The following DPYD variants were observed in gnomAD, a reference collection of about 807,000 sequenced individuals.
The protein encoded by DPYD is dihydropyrimidine dehydrogenase [NADP(+)].
A neutral mutation model predicts 116.2 loss-of-function variants in DPYD; 109 were observed. That is an observed-to-expected ratio of 0.94 (90% CI 0.80 to 1.10). DPYD has a LOEUF of 1.10. Among genes scored for constraint, DPYD ranks in the 50% least tolerant of loss-of-function variants. The pLI is 0.00. For missense variants in DPYD, 1,302 were observed against 1,254.5 expected, an observed-to-expected ratio of 1.04 and a Z score of -0.57; for synonymous variants, 440 against 432.0, an observed-to-expected ratio of 1.02 and a Z score of -0.23.
intron 13 of DPYD, among the ~76,000 whole-genome samples, chr1:97,492,473 C>T (rs537680502): frequency 2.0e-5 from 3 of 152,234 alleles, no homozygotes; most frequent in Non-Finnish European, 2.9e-5. Flanking sequence ...CATTAAAATC[C>T]ATTCTTATAG....
At chr1:97,637,772 A>G (rs1657656460) in intron 8 of DPYD, among the ~76,000 whole-genome samples, 1 of 152,176 alleles carries the variant, frequency 6.6e-6, no homozygotes, top group African/African-American at 2.4e-5. Flanking sequence ...TTATTACTTT[A>G]CTATACATCT....
intron 21 of DPYD, among the ~76,000 whole-genome samples, chr1:97,095,180 G>A (rs1260435649): frequency 2.6e-5 from 4 of 151,850 alleles, no homozygotes; most frequent in Admixed American, 6.6e-5. Context: ...AATTACTTAC[G>A]GCATAAAACT....
intron 12 of DPYD, among the ~76,000 whole-genome samples, chr1:97,521,872 C>T (rs1648695170): frequency 6.6e-6 from 1 of 152,118 alleles, no homozygotes; most frequent in Non-Finnish European, 1.5e-5. Flanking sequence ...AAAACTGAAA[C>T]TGGACCCCTT....
intron 20 of DPYD, among the ~76,000 whole-genome samples, chr1:97,190,196 C>T (rs1658258397): frequency 6.6e-6 from 1 of 152,154 alleles, no homozygotes; most frequent in Non-Finnish European, 1.5e-5. Flanking sequence ...TGTGATGCTT[C>T]TCTGGCATTC....
chr1:97,552,305 T>C (rs1444435876), intron 11 of DPYD, among the ~76,000 whole-genome samples: 5 of 152,146 alleles, frequency 3.3e-5, no homozygotes, highest in East Asian at 1.9e-4. Flanking sequence ...ACAAATTAAA[T>C]TGAAGTTCTT....
chr1:97,101,914 C>T (rs1650717008), intron 20 of DPYD, among the ~76,000 whole-genome samples: 2 of 151,938 alleles, frequency 1.3e-5, no homozygotes, highest in Non-Finnish European at 2.9e-5. Flanking sequence ...AATTTGTTCT[C>T]ACCAGAAAGG....
intron 3 of DPYD, among the ~76,000 whole-genome samples, chr1:97,771,338 T>C (rs941217259): frequency 6.6e-6 from 1 of 152,208 alleles, no homozygotes; most frequent in Non-Finnish European, 1.5e-5. Flanking sequence ...TGTTAGCGGC[T>C]GCATCAACTT....
chr1:97,613,925 T>C (rs562860545), intron 8 of DPYD, among the ~76,000 whole-genome samples: 1 of 152,148 alleles, frequency 6.6e-6, no homozygotes, highest in Non-Finnish European at 1.5e-5. Flanking sequence ...TACTAGCTCA[T>C]CCTTTTATCT....
At chr1:97,138,358 C>T (rs897487498) in intron 20 of DPYD, among the ~76,000 whole-genome samples, 1 of 152,154 alleles carries the variant, frequency 6.6e-6, no homozygotes, top group Non-Finnish European at 1.5e-5. Flanking sequence ...TGTTGTTCAA[C>T]AAGCATTCTG....
chr1:97,824,267 C>T (rs979420072), intron 3 of DPYD, among the ~76,000 whole-genome samples: 1 of 152,020 alleles, frequency 6.6e-6, no homozygotes. Flanking sequence ...TATGGATCTA[C>T]CTTTTACTAT....
chr1:97,411,311 G>A (rs1673979815), intron 14 of DPYD, among the ~76,000 whole-genome samples: 1 of 152,130 alleles, frequency 6.6e-6, no homozygotes, highest in Non-Finnish European at 1.5e-5. Context: ...ATGATCCTGT[G>A]TACTATTCCT....
intron 13 of DPYD, among the ~76,000 whole-genome samples, chr1:97,464,018 C>A (rs1167856229): frequency 2.0e-5 from 3 of 152,028 alleles, no homozygotes; most frequent in Admixed American, 6.6e-5. Flanking sequence ...GTGGGCAGAT[C>A]ACTTGAGGTC....
At chr1:97,621,100 T>G (rs1176820780) in intron 8 of DPYD, among the ~76,000 whole-genome samples, 2 of 152,140 alleles carry the variant, frequency 1.3e-5, no homozygotes, top group African/African-American at 4.8e-5. Context: ...ATTGAGTATA[T>G]TAACTATTTT....
In DPYD at chr1:97,591,146, C is replaced by T. The variant is rs532580317; in HGVS notation, c.1128+2072G>A. ...CTGGATGCCTACTTTCCCTCAACTT[C>T]CTCATCTCTTTGTTCAAAAATCATC... On this transcript the variant is annotated intron_variant, in intron 10 of 22. Coordinates refer to ENST00000370192, the MANE Select transcript of DPYD (RefSeq NM_000110.4). 1.5e-3 allele frequency among the ~76,000 whole-genome samples: 222 copies of T among 152,118 alleles called. 1 individual carries two copies. Among genetic ancestry groups the T allele is most frequent in the South Asian group, 4.4e-3 (21 of 4,792 alleles).
intron 16 of DPYD, among the ~76,000 whole-genome samples, chr1:97,354,506 T>G (rs1237389406): frequency 6.6e-6 from 1 of 152,192 alleles, no homozygotes; most frequent in African/African-American, 2.4e-5. Flanking sequence ...GTTAATAATA[T>G]GCATATATAA....
At chr1:97,641,041 T>C (rs1258649169) in intron 8 of DPYD, among the ~76,000 whole-genome samples, 3 of 152,186 alleles carry the variant, frequency 2.0e-5, no homozygotes, top group Non-Finnish European at 4.4e-5. Flanking sequence ...CCAGTTTTTC[T>C]TAGATGAAGG....
chr1:97,798,048 T>C (rs773721885), intron 3 of DPYD: 1 of 152,108 alleles, frequency 6.6e-6, no homozygotes, highest in African/African-American at 2.4e-5. Flanking sequence ...CAAAAGTTTA[T>C]TGGATCTTAG....
At chr1:97,241,173 T>C (rs1040554132) in intron 18 of DPYD, among the ~76,000 whole-genome samples, 1 of 152,030 alleles carries the variant, frequency 6.6e-6, no homozygotes, top group Non-Finnish European at 1.5e-5. Context: ...ATGTTCCTAG[T>C]GGATTCATAT....
chr1:97,554,097 A>T (rs1570949716), intron 11 of DPYD, among the ~76,000 whole-genome samples: 3 of 152,252 alleles, frequency 2.0e-5, no homozygotes, highest in Admixed American at 2.0e-4. Context: ...TTTTTTATAC[A>T]GACTTAATGG....
Sources: gnomAD v4.1 joint callset for allele counts (sites outside exome capture counted in the v4.1 genomes callset) on GRCh38, gnomAD v4.1.1 for gene constraint, MANE v1.5 for transcripts, NCBI Gene and HGNC (gene_info 2026-07-23, HGNC 2026-07-21) for gene names.